The following WDHD1 variants were observed in gnomAD, a reference collection of about 807,000 sequenced individuals.
WDHD1 encodes WD repeat and HMG-box DNA binding protein 1.
WDHD1 carries 111 observed loss-of-function variants against 135.4 expected under a neutral mutation model. That is an observed-to-expected ratio of 0.82 (90% CI 0.70 to 0.96). The LOEUF is 0.96. Among genes scored for constraint, WDHD1 ranks in the 40% least tolerant of loss-of-function variants. The pLI, the probability that WDHD1 is intolerant of heterozygous loss-of-function variation, is 0.00. For missense variants in WDHD1, 1,351 were observed against 1,336.3 expected (o/e 1.01, Z -0.17); for synonymous variants, 434 against 439.0 (o/e 0.99, Z 0.14).
intron 7 of WDHD1, chr14:55,004,726 T>A: frequency 2.7e-6 from 1 of 369,090 alleles, no homozygotes; most frequent in Non-Finnish European, 5.3e-6. Flanking sequence ...GTGCTGGGAT[T>A]ATGGGCGTGA....
chr14:54,947,057 G>A (rs562898750), intron 24 of WDHD1, among the ~76,000 whole-genome samples: 2 of 150,064 alleles, frequency 1.3e-5, no homozygotes, highest in East Asian at 2.0e-4. Flanking sequence ...AGTGTTAGGC[G>A]GGCCAGGCAT....
chr14:54,951,801 T>G (rs1420139043), intron 24 of WDHD1, among the ~76,000 whole-genome samples: 1 of 151,610 alleles, frequency 6.6e-6, no homozygotes, highest in Admixed American at 6.6e-5. Flanking sequence ...ACTTATCAAG[T>G]GGGCTTCATC....
chr14:54,945,481 A>G (rs898753522), intron 24 of WDHD1, among the ~76,000 whole-genome samples: 5 of 152,188 alleles, frequency 3.3e-5, no homozygotes, highest in Non-Finnish European at 7.3e-5. Flanking sequence ...AACCTATCCC[A>G]GGTTACACAA....
intron 22 of WDHD1, 83 bp downstream of exon 22, chr14:54,957,509 G>A (rs573449017): frequency 8.0e-7 from 1 of 1,243,220 alleles, no homozygotes; most frequent in Non-Finnish European, 1.1e-6. Context: ...CCAAGTCTGG[G>A]GAGAGTCATC....
chr14:54,980,814 A>AC (rs1452390938), intron 16 of WDHD1, among the ~76,000 whole-genome samples: 3 of 149,540 alleles, frequency 2.0e-5, no homozygotes, highest in East Asian at 2.0e-4. Flanking sequence ...AAAAAAAAAA[A>AC]AAAAAAAAAA....
chr14:54,974,494 T>G (rs201698337), intron 16 of WDHD1, among the ~76,000 whole-genome samples: 3,076 of 59,850 alleles, frequency 0.051, 85 homozygotes, highest in African/African-American at 0.2. Flanking sequence ...TTTTGTTTTG[T>G]TTTTTTTTTT....
intron 15 of WDHD1, 120 bp downstream of exon 15, chr14:54,984,603 A>G (rs1463352345): frequency 4.5e-6 from 4 of 890,272 alleles, no homozygotes; most frequent in Non-Finnish European, 6.1e-6. Context: ...AATTTAAAAT[A>G]TAAAATAGAG....
intron 2 of WDHD1, among the ~76,000 whole-genome samples, chr14:55,024,840 C>A (rs2042406703): frequency 2.6e-5 from 3 of 114,244 alleles, no homozygotes. Context: ...GACACAAAAA[C>A]TGCGGAAGGC....
At position 54,962,963 on chromosome 14, in the gene WDHD1, C is replaced by T; in HGVS notation, c.2520G>A (p.Lys840=). ...AAATTATTTCTTACCCAGCATTCAG[C>T]TTTTTTCTGAAATCTTCTTCTTCTT... The part of the protein sequence containing the change: ...EEEEEEDFRK[K]LNAGYSNTAT... The change falls in exon 19 of 26, where the codon AAG becomes AAA. Residue 840 remains lysine, a synonymous_variant. Coordinates refer to ENST00000360586, the MANE Select transcript of WDHD1 (RefSeq NM_007086.4). 6.2e-7 allele frequency: 1 copy of T among 1,613,880 alleles called. No individual in the cohort carries two copies. The highest frequency in any genetic ancestry group is 8.5e-7 in the Non-Finnish European group (1 of 1,179,978).
At chr14:55,011,456 G>A (rs1049118635) in intron 3 of WDHD1, among the ~76,000 whole-genome samples, 5 of 149,482 alleles carry the variant, frequency 3.3e-5, no homozygotes, top group African/African-American at 7.5e-5. Flanking sequence ...CCCGGGAGGC[G>A]GCGGTTGCAG....
At chr14:54,987,895 G>A (rs896931808) in intron 13 of WDHD1, among the ~76,000 whole-genome samples, 18 of 152,244 alleles carry the variant, frequency 1.2e-4, no homozygotes, top group Admixed American at 6.5e-5. Context: ...CCAAAGTGCC[G>A]GGATTACAGG....
intron 12 of WDHD1, 145 bp from the exon 13 acceptor site, chr14:54,989,357 C>G (rs2041747929): frequency 1.8e-6 from 1 of 553,796 alleles, no homozygotes; most frequent in South Asian, 3.3e-5. Context: ...TCATCTATCT[C>G]TAAATAGTTT....
chr14:54,995,338 C>G (rs2041860596), intron 11 of WDHD1, among the ~76,000 whole-genome samples: 1 of 151,518 alleles, frequency 6.6e-6, no homozygotes, highest in South Asian at 2.1e-4. Context: ...TATAGGTTTT[C>G]TGTTGTCAAT....
chr14:54,957,694 C>T (rs2140161787), intron 21 of WDHD1, 59 bp from the exon 22 acceptor site: 1 of 1,362,582 alleles, frequency 7.3e-7, no homozygotes, highest in South Asian at 1.3e-5. Context: ...CTTCTGACAT[C>T]TATAATACTA....
At chr14:54,956,967 G>A (rs1298386102) in intron 23 of WDHD1, 67 bp downstream of exon 23, 163 of 1,541,432 alleles carry the variant, frequency 1.1e-4, no homozygotes, top group Non-Finnish European at 1.4e-4. Flanking sequence ...ATCTGAAACA[G>A]TGAACAAAAC....
chr14:54,949,080 TA>T (rs1179795347), intron 24 of WDHD1, among the ~76,000 whole-genome samples: 2 of 152,132 alleles, frequency 1.3e-5, no homozygotes, highest in Non-Finnish European at 2.9e-5. Context: ...CTGAAAATTC[TA>T]AAAATCAGAG....
Position 54,963,181 on chromosome 14 carries a change from A to G in WDHD1, c.2311-9T>C, listed in dbSNP as rs762865916. The G allele has an allele frequency of 1.2e-5, 4 of 323,478 alleles. No homozygotes were observed. Among genetic ancestry groups the G allele is most frequent in the African/African-American group, 1.0e-4 (2 of 19,300 alleles). 20.0% of individuals were successfully genotyped at this position (323,478 alleles called of 1,614,324 possible). On this transcript the variant is annotated splice_polypyrimidine_tract_variant and intron_variant, in intron 18 of 25. Transcript: ENST00000360586. ...TCCAGTTTACAAGAAAGCTAATCCAAAAAGGGGGGGGGGGGGGAGATCAAA... is the reference window on the plus strand; with the variant it reads ...TCCAGTTTACAAGAAAGCTAATCCAGAAAGGGGGGGGGGGGGGAGATCAAA...
At chr14:54,950,435 A>G (rs1287589584) in intron 24 of WDHD1, among the ~76,000 whole-genome samples, 2 of 152,132 alleles carry the variant, frequency 1.3e-5, no homozygotes, top group African/African-American at 2.4e-5. Context: ...ATTCAATTCA[A>G]CAAGAAGAGC....
rs1193213078 is a variant in WDHD1 at position 55,014,224 on chromosome 14, G to C, written c.78-628C>G. 2.6e-5 allele frequency among the ~76,000 whole-genome samples: 4 copies of C among 152,252 alleles called. No individual in the cohort carries two copies. The South Asian group carries it at 8.3e-4, about 32-fold the overall frequency. On this transcript the variant is annotated intron_variant, in intron 2 of 25. Transcript: ENST00000360586. ...TCAAACCACTTCAGCTCCCCAGGTC[G>C]CTGGGACTACAGGCGCATGCCACCA...
Sources: allele counts gnomAD v4.1 joint callset (sites outside exome capture counted in the v4.1 genomes callset), GRCh38; gene constraint gnomAD v4.1.1; transcripts MANE v1.5; gene names NCBI Gene and HGNC (gene_info 2026-07-23, HGNC 2026-07-21).